CLMN: variants seen among roughly 807,000 people sequenced by gnomAD.
CLMN encodes calmin.
Under a neutral mutation model 92.7 loss-of-function variants are expected in CLMN, and 57 were observed. The ratio of observed to expected loss-of-function variants is 0.61; its 90% CI spans 0.50 to 0.77. The LOEUF (loss-of-function observed/expected upper bound fraction) is 0.77, where lower values mean the gene tolerates loss of function less well. Among genes scored for constraint, CLMN ranks in the 30% least tolerant of loss-of-function variants. The pLI is 0.00. For synonymous variants in CLMN, 466 were observed against 470.6 expected, an observed-to-expected ratio of 0.99 and a Z score of 0.13; for missense variants, 1,158 against 1,237.5, an observed-to-expected ratio of 0.94 and a Z score of 0.96.
chr14:95,314,866 CA>C (rs1160768042), intron 1 of CLMN, among the ~76,000 whole-genome samples: 3 of 152,224 alleles, frequency 2.0e-5, no homozygotes, highest in African/African-American at 7.2e-5. Context: ...CACACAGCCC[CA>C]GGGGTAGTGC....
intron 1 of CLMN, among the ~76,000 whole-genome samples, chr14:95,258,625 T>G: frequency 6.8e-6 from 1 of 147,832 alleles, no homozygotes. Context: ...AAGGTGTGTA[T>G]GTGTGGTGTG....
chr14:95,227,191 C>T (rs1045841455), intron 2 of CLMN, among the ~76,000 whole-genome samples: 4 of 152,164 alleles, frequency 2.6e-5, no homozygotes, highest in Non-Finnish European at 4.4e-5. Flanking sequence ...GCCTCCTTCC[C>T]GTGGCAGCCG....
chr14:95,302,674 G>A (rs1901110085), intron 1 of CLMN, among the ~76,000 whole-genome samples: 1 of 152,124 alleles, frequency 6.6e-6, no homozygotes, highest in Non-Finnish European at 1.5e-5. Context: ...CTAGTATTGG[G>A]CATTTTTAAC....
At chr14:95,249,759 T>A (rs1297652058) in intron 1 of CLMN, among the ~76,000 whole-genome samples, 10 of 151,926 alleles carry the variant, frequency 6.6e-5, no homozygotes, top group Admixed American at 5.9e-4. Context: ...ACCCAGCTAA[T>A]TTTTTTTGTA....
intron 1 of CLMN, among the ~76,000 whole-genome samples, chr14:95,270,155 C>A (rs1321461371): frequency 2.0e-5 from 3 of 152,222 alleles, no homozygotes; most frequent in Admixed American, 6.5e-5. Context: ...CCATGTCTGC[C>A]TGCCAAGCTA....
intron 5 of CLMN, among the ~76,000 whole-genome samples, chr14:95,215,026 G>A (rs750999521): frequency 6.6e-6 from 1 of 152,102 alleles, no homozygotes; most frequent in Non-Finnish European, 1.5e-5. Context: ...GATGGGTGCG[G>A]CAAACCACCA....
At chr14:95,286,893 A>C (rs190595020) in intron 1 of CLMN, among the ~76,000 whole-genome samples, 91 of 152,320 alleles carry the variant, frequency 6.0e-4, no homozygotes, top group African/African-American at 2.0e-3. Flanking sequence ...CCCCACAGAA[A>C]GTTTGCATGC....
chr14:95,243,596 T>C (rs1898342103), intron 1 of CLMN, among the ~76,000 whole-genome samples: 1 of 150,990 alleles, frequency 6.6e-6, no homozygotes, highest in Non-Finnish European at 1.5e-5. Flanking sequence ...CAGGGGAGCA[T>C]GGAGAAGAAA....
intron 1 of CLMN, among the ~76,000 whole-genome samples, chr14:95,235,693 G>T (rs1423326966): frequency 6.6e-6 from 1 of 152,208 alleles, no homozygotes; most frequent in Non-Finnish European, 1.5e-5. Flanking sequence ...CTCATGAGAG[G>T]TGTTTTGCCT....
chr14:95,268,790 CTCTCTTTTTTTT>C (rs1566905258), intron 1 of CLMN, among the ~76,000 whole-genome samples: 1 of 123,388 alleles, frequency 8.1e-6, no homozygotes, highest in African/African-American at 3.3e-5. Flanking sequence ...CTCTCTCTCT[CTCTCTTTTTTTT>C]TTTTTTTTTT....
intron 1 of CLMN, among the ~76,000 whole-genome samples, chr14:95,297,614 T>C (rs1002285342): frequency 2.0e-5 from 3 of 152,212 alleles, no homozygotes; most frequent in African/African-American, 4.8e-5. Flanking sequence ...ATGCAGTCTG[T>C]AGAGCATTTA....
chr14:95,227,971 T>C (rs763887416), intron 2 of CLMN, among the ~76,000 whole-genome samples: 2 of 152,178 alleles, frequency 1.3e-5, no homozygotes, highest in Non-Finnish European at 2.9e-5. Context: ...TTATTAGACA[T>C]CAGTTTCAGG....
At chr14:95,242,319 C>T (rs754386832) in intron 1 of CLMN, among the ~76,000 whole-genome samples, 43 of 132,300 alleles carry the variant, frequency 3.3e-4, no homozygotes, top group South Asian at 7.1e-4. Flanking sequence ...AGTGCAGTGG[C>T]GCAGTCTCAG....
chr14:95,204,506 GAACAAC>G (rs752748417), intron 8 of CLMN, 43 bp from the exon 9 acceptor site: 1 of 1,483,182 alleles, frequency 6.7e-7, no homozygotes, highest in Non-Finnish European at 9.0e-7. Context: ...AAAAACAAAA[GAACAAC>G]AACAAAAAAA....
intron 4 of CLMN, among the ~76,000 whole-genome samples, chr14:95,218,111 T>C (rs1317078529): frequency 6.6e-6 from 1 of 152,192 alleles, no homozygotes; most frequent in African/African-American, 2.4e-5. Context: ...TTTTGCCAGA[T>C]TGAAAACAAG....
intron 1 of CLMN, among the ~76,000 whole-genome samples, chr14:95,252,520 G>A (rs543396193): frequency 3.2e-4 from 49 of 152,292 alleles, no homozygotes; most frequent in South Asian, 3.1e-3. Context: ...TCTGGTCTGC[G>A]CCCTTGGCTT....
intron 4 of CLMN, among the ~76,000 whole-genome samples, chr14:95,218,707 G>A (rs61977677): frequency 0.075 from 11,361 of 152,260 alleles, 540 homozygotes; most frequent in Middle Eastern, 0.13. Context: ...CCTTCCCACC[G>A]GGCCATTCAC....
Position 95,203,252 on chromosome 14 carries a change from G to T in CLMN, c.2097C>A (p.Thr699=). The change falls in exon 9 of 13, where the codon ACC becomes ACA. Residue 699 remains threonine (T), a synonymous_variant. Transcript: ENST00000298912. ...GGCCTTCTTCGCTGTGACTCCCAAG[G>T]GTCTCCAAGCTGACACAGCTGCTTG... ...SPPSSCVSLE[T]LGSHSEEGLD... The T allele has an allele frequency of 6.2e-7, 1 of 1,613,914 alleles. No homozygotes were observed. Among genetic ancestry groups the T allele is most frequent in the Non-Finnish European group, 8.5e-7 (1 of 1,180,006 alleles).
chr14:95,234,093 G>A (rs1011686575), intron 1 of CLMN, among the ~76,000 whole-genome samples: 4 of 152,172 alleles, frequency 2.6e-5, no homozygotes, highest in East Asian at 1.9e-4. Context: ...TCAGCGCCAC[G>A]CACCACTGGC....
Sources: gnomAD v4.1 joint callset for allele counts (sites outside exome capture counted in the v4.1 genomes callset) on GRCh38, gnomAD v4.1.1 for gene constraint, MANE v1.5 for transcripts, NCBI Gene and HGNC (gene_info 2026-07-23, HGNC 2026-07-21) for gene names.